Variants in NALF1 observed in about 807,000 individuals in gnomAD.
The protein encoded by NALF1 is NALCN channel auxiliary factor 1.
In NALF1, 3 loss-of-function variants were observed where a neutral mutation model predicts 48.4. The observed-to-expected ratio is 0.06, with a 90% CI of 0.03 to 0.16. The LOEUF (loss-of-function observed/expected upper bound fraction) is 0.16, where lower values mean the gene tolerates loss of function less well. NALF1 is among the 10% of genes least tolerant of loss of function. NALF1 has a pLI of 1.00. For synonymous variants in NALF1, 262 were observed against 245.7 expected (o/e 1.07, Z -0.62); for missense variants, 526 against 571.5 (o/e 0.92, Z 0.81).
chr13:107,740,116 C>A (rs1000794958), intron 1 of NALF1, among the ~76,000 whole-genome samples: 1 of 152,186 alleles, frequency 6.6e-6, no homozygotes, highest in Non-Finnish European at 1.5e-5. Context: ...AAATTGTCCA[C>A]AAAACCGGTC....
chr13:107,503,451 CA>C (rs1384087354), intron 1 of NALF1, among the ~76,000 whole-genome samples: 1 of 151,992 alleles, frequency 6.6e-6, no homozygotes. Flanking sequence ...CAGGAGATAA[CA>C]AATGTTTGCA....
intron 1 of NALF1, among the ~76,000 whole-genome samples, chr13:107,711,716 T>C (rs1009892226): frequency 1.3e-5 from 2 of 152,266 alleles, no homozygotes; most frequent in Non-Finnish European, 2.9e-5. Context: ...AGGAAATATC[T>C]TATTAATCTA....
Position 107,165,694 on chromosome 13 carries a change from T to C in NALF1, c.*4803A>G, listed in dbSNP as rs1434173632. The C allele has an allele frequency of 1.3e-5, 2 of 152,240 alleles. No individual in the cohort carries two copies. Among genetic ancestry groups the C allele is most frequent in the Non-Finnish European group, 2.9e-5 (2 of 68,046 alleles). 9.4% of individuals were successfully genotyped at this position (152,240 alleles called of 1,614,324 possible). A position where few individuals can be genotyped will look rare whatever the true frequency, so the allele number is the denominator to read the frequency against. On this transcript the variant is annotated 3_prime_UTR_variant, in exon 3 of 3. Transcript: ENST00000375915. ...TGTCATGAAGACATTGCTTGAAAAC[T>C]ATACTTAGTTATTTTCCTTCCCCCC...
At chr13:107,376,123 G>C (rs956246411) in intron 1 of NALF1, among the ~76,000 whole-genome samples, 3 of 152,132 alleles carry the variant, frequency 2.0e-5, no homozygotes, top group Non-Finnish European at 4.4e-5. Flanking sequence ...GAGAGGCCCA[G>C]ATGGGAAGGA....
chr13:107,321,024 A>T (rs1882244619), intron 1 of NALF1: 1 of 152,892 alleles, frequency 6.5e-6, no homozygotes, highest in East Asian at 1.8e-4. Context: ...GACTAGAAAT[A>T]AGCTAAGGAA....
chr13:107,804,659 C>T (rs1878721153), intron 1 of NALF1, among the ~76,000 whole-genome samples: 1 of 152,132 alleles, frequency 6.6e-6, no homozygotes, highest in Non-Finnish European at 1.5e-5. Flanking sequence ...TATCGGCACA[C>T]TGTCACACTC....
chr13:107,511,081 T>C (rs1306774726), intron 1 of NALF1, among the ~76,000 whole-genome samples: 2 of 152,274 alleles, frequency 1.3e-5, no homozygotes, highest in East Asian at 1.9e-4. Flanking sequence ...AGATGTCCCA[T>C]GCTTTCCCAC....
chr13:107,703,553 C>T (rs1881876763), intron 1 of NALF1, among the ~76,000 whole-genome samples: 1 of 152,072 alleles, frequency 6.6e-6, no homozygotes. Context: ...TGAGGTTTCA[C>T]TATGTTGGCC....
At chr13:107,251,228 G>C (rs1002960812) in intron 1 of NALF1, among the ~76,000 whole-genome samples, 1 of 152,130 alleles carries the variant, frequency 6.6e-6, no homozygotes, top group Non-Finnish European at 1.5e-5. Context: ...TCCTCCCCAA[G>C]TCAGTTAAGA....
intron 1 of NALF1, among the ~76,000 whole-genome samples, chr13:107,651,532 T>C (rs1880451854): frequency 6.6e-6 from 1 of 152,206 alleles, no homozygotes. Flanking sequence ...GCTGTTGCAA[T>C]AATGAAAACC....
intron 1 of NALF1, among the ~76,000 whole-genome samples, chr13:107,506,701 C>T (rs1266052770): frequency 1.3e-5 from 2 of 151,988 alleles, no homozygotes; most frequent in Admixed American, 1.3e-4. Flanking sequence ...CATACTGTAC[C>T]AGGTATCAGA....
chr13:107,751,922 CTCTG>C, intron 1 of NALF1, among the ~76,000 whole-genome samples: 1 of 151,964 alleles, frequency 6.6e-6, no homozygotes, highest in South Asian at 2.1e-4. Flanking sequence ...GGAATTTTAC[CTCTG>C]CTTATATTAA....
chr13:107,493,095 C>T (rs1264759755), intron 1 of NALF1, among the ~76,000 whole-genome samples: 1 of 152,102 alleles, frequency 6.6e-6, no homozygotes, highest in African/African-American at 2.4e-5. Flanking sequence ...TTTATCTTCT[C>T]ATGATAGCCC....
intron 1 of NALF1, among the ~76,000 whole-genome samples, chr13:107,863,184 T>C (rs1880623467): frequency 6.6e-6 from 1 of 152,054 alleles, no homozygotes; most frequent in African/African-American, 2.4e-5. Context: ...CTCCTAATGA[T>C]AGTCATTTCA....
chr13:107,346,342 A>G (rs1228416893), intron 1 of NALF1, among the ~76,000 whole-genome samples: 1 of 152,220 alleles, frequency 6.6e-6, no homozygotes. Context: ...TCACTACAGC[A>G]TTATACGCAA....
chr13:107,649,142 C>G (rs934833155), intron 1 of NALF1, among the ~76,000 whole-genome samples: 1 of 152,134 alleles, frequency 6.6e-6, no homozygotes, highest in African/African-American at 2.4e-5. Context: ...TTTCTTCATT[C>G]TCTTAACAGC....
At chr13:107,801,690 T>C (rs1878617707) in intron 1 of NALF1, among the ~76,000 whole-genome samples, 1 of 152,206 alleles carries the variant, frequency 6.6e-6, no homozygotes, top group African/African-American at 2.4e-5. Context: ...CAGTTGGATA[T>C]GAGCAGATTT....
intron 1 of NALF1, among the ~76,000 whole-genome samples, chr13:107,712,544 G>A (rs1175218809): frequency 6.6e-6 from 1 of 152,200 alleles, no homozygotes; most frequent in African/African-American, 2.4e-5. Flanking sequence ...TTCAAGATTT[G>A]ATTAAAAAGT....
chr13:107,511,609 C>T (rs1875894036), intron 1 of NALF1, among the ~76,000 whole-genome samples: 1 of 152,092 alleles, frequency 6.6e-6, no homozygotes, highest in African/African-American at 2.4e-5. Flanking sequence ...CATTATGAGT[C>T]AGGTAACTAT....
Sources: allele counts gnomAD v4.1 joint callset (sites outside exome capture counted in the v4.1 genomes callset), GRCh38; gene constraint gnomAD v4.1.1; transcripts MANE v1.5; gene names NCBI Gene and HGNC (gene_info 2026-07-23, HGNC 2026-07-21).